KCNMB4: variants seen among roughly 807,000 people sequenced by gnomAD.
KCNMB4 encodes the protein potassium calcium-activated channel subfamily M regulatory beta subunit 4, also known as calcium-activated potassium channel subunit beta-4.
A neutral mutation model predicts 20.7 loss-of-function variants in KCNMB4; 3 were observed. The ratio of observed to expected loss-of-function variants is 0.14; its 90% confidence interval spans 0.07 to 0.37. KCNMB4 has a LOEUF of 0.37. KCNMB4 is among the 10% of genes least tolerant of loss of function. The probability of loss-of-function intolerance (pLI) is 1.00; values close to 1 mark genes in which losing one functional copy is unlikely to be tolerated. For synonymous variants in KCNMB4, 110 were observed against 113.4 expected, an observed-to-expected ratio of 0.97 and a Z score of 0.19; for missense variants, 168 against 265.9, an observed-to-expected ratio of 0.63 and a Z score of 2.56.
chr12:70,430,212 A>G (rs749061882), intron 2 of KCNMB4, among the ~76,000 whole-genome samples: 28 of 152,186 alleles, frequency 1.8e-4, no homozygotes, highest in Non-Finnish European at 4.0e-4. Context: ...GTAACTTAGA[A>G]TGAAGAAAAA....
At chr12:70,419,281 C>T (rs958464360) in intron 2 of KCNMB4, among the ~76,000 whole-genome samples, 6 of 152,148 alleles carry the variant, frequency 3.9e-5, no homozygotes, top group African/African-American at 9.7e-5. Context: ...GAGAGACTTT[C>T]TTTGGAAACA....
At chr12:70,376,724 A>AAAG (rs1883693389) in intron 1 of KCNMB4, among the ~76,000 whole-genome samples, 1 of 150,100 alleles carries the variant, frequency 6.7e-6, no homozygotes, top group Admixed American at 6.6e-5. Context: ...AAAAAACAAA[A>AAAG]CGCCAGATGT....
At chr12:70,402,902 T>C (rs1281690265) in intron 2 of KCNMB4, among the ~76,000 whole-genome samples, 3 of 152,164 alleles carry the variant, frequency 2.0e-5, no homozygotes, top group Admixed American at 6.5e-5. Flanking sequence ...GATGCATTTT[T>C]CTTGGGATTT....
At chr12:70,390,586 G>A (rs1868291346) in intron 1 of KCNMB4, among the ~76,000 whole-genome samples, 1 of 152,194 alleles carries the variant, frequency 6.6e-6, no homozygotes, top group Non-Finnish European at 1.5e-5. Flanking sequence ...CTGAGCCATA[G>A]AGATGAATTG....
At chr12:70,430,038 C>CTTTT (rs66539156) in intron 2 of KCNMB4, among the ~76,000 whole-genome samples, 7 of 147,120 alleles carry the variant, frequency 4.8e-5, no homozygotes, top group African/African-American at 1.2e-4. Context: ...TTTAACTGAC[C>CTTTT]TTTTTTTTTT....
chr12:70,397,574 A>C (rs1292171428), intron 1 of KCNMB4, among the ~76,000 whole-genome samples: 1 of 152,196 alleles, frequency 6.6e-6, no homozygotes, highest in Non-Finnish European at 1.5e-5. Flanking sequence ...TTTTTTAAAA[A>C]TCTCACATGA....
At chr12:70,378,421 C>A (rs1010479445) in intron 1 of KCNMB4, among the ~76,000 whole-genome samples, 1 of 152,210 alleles carries the variant, frequency 6.6e-6, no homozygotes, top group Non-Finnish European at 1.5e-5. Flanking sequence ...TACTAATGTT[C>A]ATAATGGCAT....
intron 1 of KCNMB4, among the ~76,000 whole-genome samples, chr12:70,397,636 C>T (rs1260984241): frequency 6.6e-6 from 1 of 152,172 alleles, no homozygotes. Flanking sequence ...AAGTTTTTGA[C>T]CTTTTCAGAA....
chr12:70,366,755 T>C lies in KCNMB4; in HGVS notation c.21T>C (p.Ala7=). Residue 7 remains alanine (A), a synonymous_variant, in exon 1 of 3, where the codon GCT becomes GCC. Transcript: ENST00000258111. ...GGGCGATGGCGAAGCTCCGGGTGGC[T>C]TACGAGTACACGGAAGCCGAGGACA... The part of the protein sequence containing the change: MAKLRV[A]YEYTEAEDKS... 1 of 1,604,022 alleles carries C rather than the reference T, an allele frequency of 6.2e-7. No individual in the cohort carries two copies. Among genetic ancestry groups the C allele is most frequent in the Non-Finnish European group, 8.5e-7 (1 of 1,177,148 alleles).
intron 1 of KCNMB4, among the ~76,000 whole-genome samples, chr12:70,385,557 A>C (rs988777878): frequency 6.6e-6 from 1 of 152,212 alleles, no homozygotes; most frequent in Non-Finnish European, 1.5e-5. Flanking sequence ...CAAAATTCCC[A>C]TTGAAGATAT....
chr12:70,403,662 A>G (rs537191925), intron 2 of KCNMB4, among the ~76,000 whole-genome samples: 4 of 152,354 alleles, frequency 2.6e-5, no homozygotes, highest in African/African-American at 9.6e-5. Context: ...ACCACAGACC[A>G]ATTAATTAGA....
intron 2 of KCNMB4, among the ~76,000 whole-genome samples, chr12:70,409,586 T>C (rs933024401): frequency 6.6e-6 from 1 of 152,120 alleles, no homozygotes; most frequent in African/African-American, 2.4e-5. Flanking sequence ...CTATAGTCTG[T>C]AGTCACAACA....
chr12:70,383,733 C>A (rs771258529), intron 1 of KCNMB4, among the ~76,000 whole-genome samples: 1 of 152,290 alleles, frequency 6.6e-6, no homozygotes, highest in East Asian at 1.9e-4. Context: ...GCCTTTTTCC[C>A]TCTGTATGTG....
chr12:70,367,120 G>GCAGCGTCGGTGTTAGACT, intron 1 of KCNMB4, 50 bp downstream of exon 1: 1 of 1,435,882 alleles, frequency 7.0e-7, no homozygotes. Flanking sequence ...AGGTTTGGAG[G>GCAGCGTCGGTGTTAGACT]CAGCGTCGGT....
At chr12:70,368,035 T>G (rs958451499) in intron 1 of KCNMB4, among the ~76,000 whole-genome samples, 1 of 152,076 alleles carries the variant, frequency 6.6e-6, no homozygotes, top group Admixed American at 6.5e-5. Context: ...CTGGTTCCGT[T>G]TCTACTTCCC....
chr12:70,415,821 A>G (rs1354790535), intron 2 of KCNMB4, among the ~76,000 whole-genome samples: 2 of 152,214 alleles, frequency 1.3e-5, no homozygotes, highest in Non-Finnish European at 2.9e-5. Context: ...CCTAGAGCAC[A>G]TGCCAAGCAT....
At chr12:70,369,258 C>G (rs903106601) in intron 1 of KCNMB4, among the ~76,000 whole-genome samples, 1 of 152,132 alleles carries the variant, frequency 6.6e-6, no homozygotes, top group African/African-American at 2.4e-5. Context: ...TTAGCATCAC[C>G]TTTCTATTTT....
intron 2 of KCNMB4, among the ~76,000 whole-genome samples, chr12:70,426,630 AG>A (rs1312094997): frequency 2.0e-5 from 3 of 152,256 alleles, no homozygotes; most frequent in Non-Finnish European, 1.5e-5. Context: ...TCTTACAGAC[AG>A]GGTTTCAAAT....
chr12:70,417,396 C>A (rs556999316), intron 2 of KCNMB4, among the ~76,000 whole-genome samples: 4 of 152,116 alleles, frequency 2.6e-5, no homozygotes, highest in African/African-American at 7.2e-5. Context: ...GACAAAGCAC[C>A]TAAACAGGGA....
Sources: gnomAD v4.1 joint callset for allele counts (sites outside exome capture counted in the v4.1 genomes callset) on GRCh38, gnomAD v4.1.1 for gene constraint, MANE v1.5 for transcripts, NCBI Gene and HGNC (gene_info 2026-07-23, HGNC 2026-07-21) for gene names.